The following PRKCB variants were observed in gnomAD, a reference collection of about 807,000 sequenced individuals.
PRKCB encodes the protein protein kinase C beta type.
PRKCB carries 13 observed loss-of-function variants against 81.5 expected under a neutral mutation model. The observed-to-expected ratio is 0.16, with a 90% CI of 0.10 to 0.25. The LOEUF is 0.25. PRKCB is among the 10% of genes least tolerant of loss of function. The pLI is 1.00. For synonymous variants in PRKCB, 335 were observed against 321.4 expected (o/e 1.04, Z -0.45); for missense variants, 509 against 875.7 (o/e 0.58, Z 5.29).
At chr16:23,889,202 T>G (rs1197308679) in intron 2 of PRKCB, among the ~76,000 whole-genome samples, 1 of 152,040 alleles carries the variant, frequency 6.6e-6, no homozygotes, top group Non-Finnish European at 1.5e-5. Flanking sequence ...GTGTAATGAT[T>G]AAGAGCATAG....
chr16:24,044,289 G>A (rs1213089323), intron 5 of PRKCB, among the ~76,000 whole-genome samples: 1 of 152,164 alleles, frequency 6.6e-6, no homozygotes, highest in Non-Finnish European at 1.5e-5. Context: ...AACCCTGCAG[G>A]TGGAGTTTGC....
intron 2 of PRKCB, among the ~76,000 whole-genome samples, chr16:23,976,715 A>C (rs1273688672): frequency 1.3e-5 from 2 of 152,176 alleles, no homozygotes; most frequent in African/African-American, 4.8e-5. Flanking sequence ...TCATCCCCTT[A>C]GACCATGGCA....
At chr16:23,868,978 A>T in intron 2 of PRKCB, 1 of 368,354 alleles carries the variant, frequency 2.7e-6, no homozygotes, top group Non-Finnish European at 5.6e-6. Context: ...CATTTCACAG[A>T]TGCCGAAATA....
intron 3 of PRKCB, among the ~76,000 whole-genome samples, chr16:24,013,445 T>C (rs1455025909): frequency 6.6e-6 from 1 of 152,200 alleles, no homozygotes; most frequent in Non-Finnish European, 1.5e-5. Context: ...GTTACTTAAC[T>C]TCTCTGTGTC....
At chr16:23,915,140 A>G (rs1212708231) in intron 2 of PRKCB, among the ~76,000 whole-genome samples, 2 of 151,946 alleles carry the variant, frequency 1.3e-5, no homozygotes, top group African/African-American at 4.8e-5. Flanking sequence ...ATCTCTGGGG[A>G]CTCCTTAGAC....
At position 24,075,920 on chromosome 16, in the gene PRKCB, G is replaced by A. The variant is rs564516439; in HGVS notation, c.530-16871G>A. On this transcript the variant is annotated intron_variant, in intron 5 of 16. Transcript: ENST00000643927. ...CCTCAATTCAGCAGGTCTGAGCAGGGCCTGAGATCATGCATTTCTTTTTTT... is the reference window on the plus strand; with the variant it reads ...CCTCAATTCAGCAGGTCTGAGCAGGACCTGAGATCATGCATTTCTTTTTTT... Among the ~76,000 whole-genome samples the A allele has an allele frequency of 5.9e-5, 9 of 152,254 alleles. No homozygotes were observed. The South Asian group carries it at 1.7e-3, about 28-fold the overall frequency.
intron 2 of PRKCB, among the ~76,000 whole-genome samples, chr16:23,973,097 G>A (rs1041354121): frequency 6.6e-6 from 1 of 152,056 alleles, no homozygotes; most frequent in African/African-American, 2.4e-5. Context: ...AGTCAAATGG[G>A]GTCATACAGT....
At chr16:24,122,025 A>C (rs1187503925) in intron 8 of PRKCB, among the ~76,000 whole-genome samples, 1 of 152,236 alleles carries the variant, frequency 6.6e-6, no homozygotes, top group Non-Finnish European at 1.5e-5. Flanking sequence ...TGGTATAAGG[A>C]GAAAGATGAT....
intron 12 of PRKCB, among the ~76,000 whole-genome samples, chr16:24,177,401 G>A (rs1024462342): frequency 5.9e-5 from 9 of 152,080 alleles, no homozygotes; most frequent in African/African-American, 2.2e-4. Context: ...CTTTAAAGGG[G>A]TATTTATCAA....
intron 3 of PRKCB, among the ~76,000 whole-genome samples, chr16:24,006,508 G>A (rs186837357): frequency 7.2e-5 from 11 of 152,344 alleles, no homozygotes; most frequent in African/African-American, 2.2e-4. Context: ...TACCATGTTG[G>A]TGGTTCTACT....
intron 15 of PRKCB, among the ~76,000 whole-genome samples, chr16:24,190,767 T>G (rs913376360): frequency 6.6e-6 from 1 of 152,146 alleles, no homozygotes; most frequent in Non-Finnish European, 1.5e-5. Context: ...TTCGCCCGCC[T>G]AGGCCTCCCA....
intron 9 of PRKCB, among the ~76,000 whole-genome samples, chr16:24,152,909 G>T (rs571241063): frequency 2.6e-5 from 4 of 152,230 alleles, no homozygotes; most frequent in Admixed American, 1.3e-4. Flanking sequence ...GGAAGTGTGT[G>T]ACAGGGACCC....
At chr16:23,866,974 CTTCCCTTCCTTCCCTTCCT>C (rs1962803298) in intron 2 of PRKCB, among the ~76,000 whole-genome samples, 1 of 93,244 alleles carries the variant, frequency 1.1e-5, no homozygotes, top group Non-Finnish European at 2.2e-5. Context: ...CCTTCCCTTC[CTTCCCTTCCTTCCCTTCCT>C]TCCCTTCCTT....
rs192929792 is a variant in PRKCB, at chr16:24,045,367, C to T, written c.529+9820C>T. ...TGCCTTGTGAGCTGGGCCTGTTCTC[C>T]GAGTTTCATGGTGTTTGATGTTTTT... On this transcript the variant is annotated intron_variant, in intron 5 of 16. Transcript: ENST00000643927. Among the ~76,000 whole-genome samples, 941 of 152,168 alleles carry T rather than the reference C, an allele frequency of 6.2e-3. 4 individuals are homozygous for T. The highest frequency in any genetic ancestry group is 9.8e-3 in the Non-Finnish European group (667 of 68,006).
chr16:23,988,841 C>T lies in PRKCB; in HGVS notation c.288+251C>T, dbSNP rs147866391. Among the ~76,000 whole-genome samples, 145 of 152,086 alleles carry T rather than the reference C, an allele frequency of 9.5e-4. 1 individual carries two copies. The highest frequency in any genetic ancestry group is 3.3e-3 in the African/African-American group (138 of 41,496). Reference sequence around the variant, plus strand: ...TGTCTTCACTTTGAGAGCTGGAGCACGGAGGGTGAGAGGCAGGGGCCTACT... The same window carrying T: ...TGTCTTCACTTTGAGAGCTGGAGCATGGAGGGTGAGAGGCAGGGGCCTACT... On this transcript the variant is annotated intron_variant, in intron 3 of 16. Coordinates refer to ENST00000643927, the MANE Select transcript of PRKCB (RefSeq NM_002738.7).
chr16:24,178,887 G>T (rs757422830), intron 12 of PRKCB, among the ~76,000 whole-genome samples: 1 of 152,188 alleles, frequency 6.6e-6, no homozygotes, highest in Non-Finnish European at 1.5e-5. Context: ...GGTTAAAAGA[G>T]GCATTTATTG....
In PRKCB at chr16:24,220,308, G is replaced by T; in HGVS notation, c.*5492G>T. 1.7e-6 allele frequency: 1 copy of T among 603,676 alleles called. No individual in the cohort carries two copies. Among genetic ancestry groups the T allele is most frequent in the Non-Finnish European group, 2.7e-6 (1 of 374,906 alleles). 37.4% of individuals were successfully genotyped at this position (603,676 alleles called of 1,614,324 possible). On this transcript the variant is annotated 3_prime_UTR_variant, in exon 17 of 17. Coordinates refer to ENST00000643927, the MANE Select transcript of PRKCB (RefSeq NM_002738.7). The stretch of plus-strand genomic sequence containing the variant: ...TTTGAAAATGTTTAGTTTAGAATAA[G>T]CGCATTATCCAATTATAGAGGTACA...
chr16:23,905,394 C>T (rs1963543564), intron 2 of PRKCB, among the ~76,000 whole-genome samples: 1 of 152,214 alleles, frequency 6.6e-6, no homozygotes, highest in African/African-American at 2.4e-5. Flanking sequence ...GTAGATGCTT[C>T]ATTCCCCAGA....
At chr16:23,864,530 A>G (rs1357307105) in intron 2 of PRKCB, among the ~76,000 whole-genome samples, 1 of 151,874 alleles carries the variant, frequency 6.6e-6, no homozygotes, top group Non-Finnish European at 1.5e-5. Flanking sequence ...AAGATTACAA[A>G]CAAACAAAAT....
Sources: gnomAD v4.1 joint callset for allele counts (sites outside exome capture counted in the v4.1 genomes callset) on GRCh38, gnomAD v4.1.1 for gene constraint, MANE v1.5 for transcripts, NCBI Gene and HGNC (gene_info 2026-07-23, HGNC 2026-07-21) for gene names.